Variants in ARMH3 observed in about 807,000 individuals in gnomAD.
ARMH3 encodes the protein armadillo-like helical domain-containing protein 3.
A neutral mutation model predicts 99.1 loss-of-function variants in ARMH3; 60 were observed. The observed-to-expected ratio is 0.61, with a 90% CI of 0.49 to 0.75. The LOEUF is 0.75. ARMH3 is among the 30% of genes least tolerant of loss of function. The pLI, the probability that ARMH3 is intolerant of heterozygous loss-of-function variation, is 0.00. For synonymous variants in ARMH3, 285 were observed against 292.8 expected (o/e 0.97, Z 0.27); for missense variants, 679 against 843.1 (o/e 0.81, Z 2.41).
Position 102,013,980 on chromosome 10 carries a change from C to T in ARMH3, c.714G>A (p.Glu238=), listed in dbSNP as rs1209460589. The change falls in exon 9 of 26, where the codon GAG becomes GAA. Residue 238 remains glutamate (E), a synonymous_variant. Coordinates refer to ENST00000370033, the MANE Select transcript of ARMH3 (RefSeq NM_024541.3). ...TCCAGATACTCACATTGAGTGTGGC[C>T]TCATCATCCACGATAGACAGCTTCA... ...YIVKLSIVDD[E]ATLNGMGLVI... The T allele has an allele frequency of 6.2e-7, 1 of 1,609,444 alleles. No individual in the cohort carries two copies. The highest frequency in any genetic ancestry group is 2.2e-5 in the East Asian group (1 of 44,782).
chr10:101,968,132 TC>T (rs1458452112), intron 20 of ARMH3, among the ~76,000 whole-genome samples: 1 of 152,170 alleles, frequency 6.6e-6, no homozygotes, highest in Non-Finnish European at 1.5e-5. Flanking sequence ...CCCAGCCTCT[TC>T]TTTTTCATGA....
At chr10:102,036,947 G>A (rs1313242421) in intron 2 of ARMH3, among the ~76,000 whole-genome samples, 1 of 151,520 alleles carries the variant, frequency 6.6e-6, no homozygotes, top group Non-Finnish European at 1.5e-5. Context: ...AGCTACTTGG[G>A]AGGCTGAGGC....
At chr10:101,944,227 A>G (rs1471865383) in intron 22 of ARMH3, among the ~76,000 whole-genome samples, 2 of 126,106 alleles carry the variant, frequency 1.6e-5, no homozygotes, top group Non-Finnish European at 3.3e-5. Flanking sequence ...GCTAAGGCAG[A>G]AGGATTGCTT....
intron 2 of ARMH3, among the ~76,000 whole-genome samples, chr10:102,033,756 T>C (rs978198433): frequency 6.6e-5 from 10 of 152,214 alleles, no homozygotes; most frequent in Non-Finnish European, 1.3e-4. Flanking sequence ...TTCTTGGTCA[T>C]TCTAAACTGC....
chr10:102,027,317 T>G (rs1051691046), intron 5 of ARMH3, among the ~76,000 whole-genome samples: 1 of 149,894 alleles, frequency 6.7e-6, no homozygotes, highest in Non-Finnish European at 1.5e-5. Flanking sequence ...AAGGCATCAC[T>G]GTAATAGTTC....
intron 22 of ARMH3, among the ~76,000 whole-genome samples, chr10:101,949,791 T>C (rs1844709402): frequency 6.6e-6 from 1 of 152,086 alleles, no homozygotes; most frequent in Non-Finnish European, 1.5e-5. Context: ...CAGACCAATA[T>C]ACCTCATGAA....
chr10:101,859,621 A>G (rs2066816302), intron 24 of ARMH3, among the ~76,000 whole-genome samples: 1 of 152,230 alleles, frequency 6.6e-6, no homozygotes, highest in Non-Finnish European at 1.5e-5. Flanking sequence ...CAATGTAGCG[A>G]TGGATTCCAA....
rs57511108 is a variant in ARMH3 at position 102,009,466 on chromosome 10, C to G, written c.879-17G>C. On this transcript the variant is annotated splice_polypyrimidine_tract_variant and intron_variant, in intron 12 of 25. Coordinates refer to ENST00000370033, the MANE Select transcript of ARMH3 (RefSeq NM_024541.3). ...TCATTGGTTCTAAAGAAAAAGAGAA[C>G]AAATTGGAGCAGTTTTTATAGTGGG... 812 of 1,602,562 alleles carry G rather than the reference C, an allele frequency of 5.1e-4. 6 individuals carry two copies. In the African/African-American group the frequency reaches 9.5e-3, roughly 19 times the overall value.
chr10:101,888,073 T>TAA (rs146742225), intron 24 of ARMH3, among the ~76,000 whole-genome samples: 2 of 130,880 alleles, frequency 1.5e-5, no homozygotes, highest in South Asian at 2.5e-4. Context: ...TTTTTTTTTT[T>TAA]AAAAAAAAAA....
intron 24 of ARMH3, among the ~76,000 whole-genome samples, 198 bp from the exon 25 acceptor site, chr10:101,850,090 C>CTTTTTTTTT (rs754571008): frequency 2.2e-5 from 2 of 91,308 alleles, no homozygotes; most frequent in Non-Finnish European, 2.0e-5. Flanking sequence ...CTCTCTCTCT[C>CTTTTTTTTT]TTTTTTTTTT....
intron 23 of ARMH3, among the ~76,000 whole-genome samples, chr10:101,932,569 A>G (rs1166547448): frequency 6.6e-6 from 1 of 152,256 alleles, no homozygotes; most frequent in East Asian, 1.9e-4. Context: ...ATACAATGCA[A>G]TATTATTCAC....
At chr10:101,918,267 T>C (rs572299778) in intron 23 of ARMH3, among the ~76,000 whole-genome samples, 108 of 152,346 alleles carry the variant, frequency 7.1e-4, no homozygotes, top group Non-Finnish European at 1.4e-3. Flanking sequence ...TTGGCCAGGC[T>C]GGTCTCGAAC....
At chr10:101,964,842 T>C (rs1845463684) in intron 20 of ARMH3, among the ~76,000 whole-genome samples, 1 of 138,860 alleles carries the variant, frequency 7.2e-6, no homozygotes, top group Middle Eastern at 3.9e-3. Flanking sequence ...ACCCCGTCTT[T>C]ACCAAAAAAA....
At chr10:101,947,568 A>T (rs1348326676) in intron 22 of ARMH3, among the ~76,000 whole-genome samples, 1 of 152,180 alleles carries the variant, frequency 6.6e-6, no homozygotes, top group East Asian at 1.9e-4. Flanking sequence ...TGGGAGGCCA[A>T]GGCAGGCGGA....
At chr10:101,898,372 AAAG>A (rs1467286002) in intron 23 of ARMH3, among the ~76,000 whole-genome samples, 24 of 151,890 alleles carry the variant, frequency 1.6e-4, no homozygotes, top group South Asian at 4.1e-4. Flanking sequence ...AATAAAAAAA[AAAG>A]AAGAAGAAAA....
chr10:101,977,960 G>T (rs1846079300), intron 19 of ARMH3, among the ~76,000 whole-genome samples: 1 of 152,132 alleles, frequency 6.6e-6, no homozygotes, highest in Non-Finnish European at 1.5e-5. Flanking sequence ...CAGGTATTCA[G>T]TTATAGCAAC....
At chr10:101,961,247 C>T (rs911942270) in intron 20 of ARMH3, among the ~76,000 whole-genome samples, 2 of 152,146 alleles carry the variant, frequency 1.3e-5, no homozygotes, top group Non-Finnish European at 2.9e-5. Flanking sequence ...CTGCTCTCTG[C>T]TGTCTTATCT....
chr10:102,039,305 C>T (rs180785104), intron 2 of ARMH3, among the ~76,000 whole-genome samples: 11 of 152,114 alleles, frequency 7.2e-5, no homozygotes, highest in Admixed American at 1.3e-4. Context: ...CCACCATGCC[C>T]GGCTAAGTTT....
chr10:102,045,030 G>A (rs559439124), intron 1 of ARMH3, among the ~76,000 whole-genome samples: 1 of 151,030 alleles, frequency 6.6e-6, no homozygotes, highest in East Asian at 2.0e-4. Context: ...CAGATACTCG[G>A]GACGCTGAAA....
Sources: allele counts gnomAD v4.1 joint callset (sites outside exome capture counted in the v4.1 genomes callset), GRCh38; gene constraint gnomAD v4.1.1; transcripts MANE v1.5; gene names NCBI Gene and HGNC (gene_info 2026-07-23, HGNC 2026-07-21).